TUBA3C: variants seen among roughly 807,000 people sequenced by gnomAD.
TUBA3C encodes the protein tubulin alpha-3C chain.
A neutral mutation model predicts 33.4 loss-of-function variants in TUBA3C; 23 were observed. That is an observed-to-expected ratio of 0.69 (90% CI 0.50 to 0.98). The LOEUF is 0.98. Among genes scored for constraint, TUBA3C ranks in the 50% least tolerant of loss-of-function variants. TUBA3C has a pLI of 0.00. For missense variants in TUBA3C, 402 were observed against 616.0 expected (o/e 0.65, Z 3.68); for synonymous variants, 269 against 250.4 (o/e 1.07, Z -0.70).
Position 19,177,163 on chromosome 13 carries a change from G to T in TUBA3C, c.820C>A (p.Pro274Thr). 2 of 1,614,110 alleles carry T rather than the reference G, an allele frequency of 1.2e-6. No individual in the cohort carries two copies. Among genetic ancestry groups the T allele is most frequent in the Non-Finnish European group, 1.7e-6 (2 of 1,180,028 alleles). ...TAGGCCTTCTCGGCTGAGATGACCG[G>T]GGCGTAGGTGGCCAGGGGGAAGTGG... ...RIHFPLATYAPVISAEKAYHE... is the reference protein window; with the variant it reads ...RIHFPLATYATVISAEKAYHE... The change falls in exon 4 of 5, where the codon CCG (proline) becomes ACG (threonine). Residue 274 changes from proline (P) to threonine (T), a missense_variant. Coordinates refer to ENST00000400113, the MANE Select transcript of TUBA3C (RefSeq NM_006001.3). This position sits in a 1 kb window ranked among gnomAD's most constrained non-coding sequence, Gnocchi z 5.0.
In TUBA3C at chr13:19,177,455, C is replaced by A. The variant is rs2138956097; in HGVS notation, c.528G>T (p.Gln176His). ...AGGGCTCCACCACGGCCGTGGAGAC[C>A]TGGGGGGCTGGGTAAATGGCAAATT... The part of the protein sequence containing the change: ...KLEFAIYPAP[Q>H]VSTAVVEPYN... Residue 176 changes from glutamine to histidine, a missense_variant, in exon 4 of 5, where the codon CAG becomes CAT. Transcript: ENST00000400113. The surrounding 1 kb of genome is among the most constrained non-coding windows in gnomAD (Gnocchi z 5.0). 1 of 1,614,120 alleles carries A rather than the reference C, an allele frequency of 6.2e-7. No individual in the cohort carries two copies. The highest frequency in any genetic ancestry group is 1.1e-5 in the South Asian group (1 of 91,072).
At chr13:19,179,249 G>A in intron 2 of TUBA3C, 92 bp downstream of exon 2, 1 of 1,550,864 alleles carries the variant, frequency 6.4e-7, no homozygotes, top group Non-Finnish European at 8.7e-7. Flanking sequence ...CATACCTTCT[G>A]CAGGAGGATT....
intron 4 of TUBA3C, 28 bp from the exon 5 acceptor site, chr13:19,174,187 A>C: frequency 1.3e-6 from 2 of 1,589,130 alleles, no homozygotes; most frequent in Non-Finnish European, 1.7e-6. Flanking sequence ...GAAACAGTCC[A>C]TGAAGCTTAT....
intron 2 of TUBA3C, 73 bp downstream of exon 2, chr13:19,179,268 C>A: frequency 2.5e-6 from 4 of 1,586,262 alleles, no homozygotes; most frequent in South Asian, 2.3e-5. Flanking sequence ...TTCAAAGGAG[C>A]CCACATGGGG....
chr13:19,177,098 G>A lies in TUBA3C; in HGVS notation c.885C>T (p.Cys295=), dbSNP rs150479874. 17 of 1,614,188 alleles carry A rather than the reference G, an allele frequency of 1.1e-5. No individual in the cohort carries two copies. The highest frequency in any genetic ancestry group is 1.4e-5 in the Non-Finnish European group (16 of 1,180,036). The change falls in exon 4 of 5, where the codon TGC becomes TGT. Residue 295 remains cysteine (C), a synonymous_variant. Transcript: ENST00000400113. The surrounding 1 kb of genome is among the most constrained non-coding windows in gnomAD (Gnocchi z 5.0). ...QLSVAEITNA[C]FEPANQMVKC... is the part of the protein sequence containing the mutation. The stretch of plus-strand genomic sequence containing the variant: ...TGACCATCTGATTGGCTGGCTCGAA[G>A]CAGGCATTGGTGATCTCAGCCACGG...
chr13:19,178,494 A>C, intron 2 of TUBA3C, 100 bp from the exon 3 acceptor site: 2 of 1,499,906 alleles, frequency 1.3e-6, no homozygotes, highest in Non-Finnish European at 1.8e-6. Context: ...CATGCTGTTC[A>C]AAGTACATGA....
Position 19,179,544 on chromosome 13 carries a change from T to A in TUBA3C, c.23A>T (p.His8Leu), listed in dbSNP as rs190995009. Residue 8 changes from histidine (H) to leucine (L), a missense_variant, in exon 2 of 5, where the codon CAC becomes CTC. His to Leu is a moderately conservative substitution (Grantham distance 99). Transcript: ENST00000400113. MRECISIHVGQAGVQIGN... is the reference protein window; with the variant it reads MRECISILVGQAGVQIGN... ...GATCTGGACTCCTGCCTGCCCCACG[T>A]GGATAGAGATACACTCACGCTGTGA... 7 of 1,614,214 alleles carry A rather than the reference T, an allele frequency of 4.3e-6. No individual in the cohort carries two copies. The African/African-American group carries it at 5.3e-5, about 12-fold the overall frequency.
At chr13:19,176,631 G>A (rs565117813) in intron 4 of TUBA3C, among the ~76,000 whole-genome samples, 2 of 142,562 alleles carry the variant, frequency 1.4e-5, no homozygotes, top group South Asian at 2.2e-4. Flanking sequence ...GTGGGTGCCT[G>A]TAATTCCAGC....
rs999079456 is a variant in TUBA3C, at chr13:19,176,910, A to G, written c.1056+17T>C. Reference sequence around the variant, plus strand: ...GCTTGCTGAAAGGTACAAGGACTCCACATTACCCAGTCATACCTTAAATCC... The same window carrying G: ...GCTTGCTGAAAGGTACAAGGACTCCGCATTACCCAGTCATACCTTAAATCC... On this transcript the variant is annotated intron_variant, in intron 4 of 4. Coordinates refer to ENST00000400113, the MANE Select transcript of TUBA3C (RefSeq NM_006001.3). The G allele has an allele frequency of 6.2e-7, 1 of 1,611,738 alleles. No individual in the cohort carries two copies. Among genetic ancestry groups the G allele is most frequent in the Non-Finnish European group, 8.5e-7 (1 of 1,178,348 alleles).
chr13:19,180,663 T>C (rs1025840564), intron 1 of TUBA3C, among the ~76,000 whole-genome samples: 5 of 151,924 alleles, frequency 3.3e-5, no homozygotes, highest in Non-Finnish European at 7.4e-5. Context: ...GCCCAACTAA[T>C]TTTTTGTATT....
rs528246624 is a variant in TUBA3C at position 19,180,628 on chromosome 13, C to T, written c.4-1065G>A. ...GCAATTCTCCTGCCTCAGTCTCCCA[C>T]GTAGCTGGGACTACAGGCCACTATG... On this transcript the variant is annotated intron_variant, in intron 1 of 4. Coordinates refer to ENST00000400113, the MANE Select transcript of TUBA3C (RefSeq NM_006001.3). 3.0e-3 allele frequency among the ~76,000 whole-genome samples: 457 copies of T among 152,112 alleles called. 8 individuals are homozygous for T. The highest frequency in any genetic ancestry group is 0.017 in the Middle Eastern group (5 of 292).
intron 4 of TUBA3C, among the ~76,000 whole-genome samples, chr13:19,174,397 G>A (rs1190956561): frequency 6.6e-6 from 1 of 151,316 alleles, no homozygotes; most frequent in Non-Finnish European, 1.5e-5. Context: ...GCCTCCCAAA[G>A]TGCTAGGATT....
chr13:19,178,115 G>A, intron 3 of TUBA3C, 131 bp downstream of exon 3: 2 of 1,420,828 alleles, frequency 1.4e-6, no homozygotes, highest in Non-Finnish European at 1.9e-6. Context: ...CAAAGTGTTG[G>A]GATTACAGGC....
Position 19,176,948 on chromosome 13 carries a change from A to G in TUBA3C, c.1035T>C (p.Asp345=). The G allele has an allele frequency of 6.2e-7, 1 of 1,613,824 alleles. No homozygotes were observed. Among genetic ancestry groups the G allele is most frequent in the Non-Finnish European group, 8.5e-7 (1 of 1,179,878 alleles). ...IKTKRTIQFV[D]WCPTGFKVGI... ...ATACCTTAAATCCAGTTGGGCACCA[A>G]TCTACAAACTGGATGGTGCGCTTGG... Residue 345 remains aspartate, a synonymous_variant, in exon 4 of 5, where the codon GAT becomes GAC. Coordinates refer to ENST00000400113, the MANE Select transcript of TUBA3C (RefSeq NM_006001.3).
chr13:19,179,295 C>T (rs756692774), intron 2 of TUBA3C, 46 bp downstream of exon 2: 1 of 1,610,260 alleles, frequency 6.2e-7, no homozygotes, highest in Non-Finnish European at 8.5e-7. Context: ...CGACGATGCT[C>T]TCCCACCCTC....
chr13:19,175,709 G>A (rs773955002), intron 4 of TUBA3C, among the ~76,000 whole-genome samples: 1 of 152,172 alleles, frequency 6.6e-6, no homozygotes, highest in Non-Finnish European at 1.5e-5. Flanking sequence ...GACAGAGGTC[G>A]TGTAACCTGT....
intron 2 of TUBA3C, 48 bp from the exon 3 acceptor site, chr13:19,178,442 C>G (rs1869282074): frequency 1.2e-6 from 2 of 1,604,808 alleles, no homozygotes; most frequent in East Asian, 2.2e-5. Flanking sequence ...CCTATACTCA[C>G]CAAGATGGAC....
At position 19,181,732 on chromosome 13, in the gene TUBA3C, G is replaced by A. The variant is rs373123701; in HGVS notation, c.3+13C>T. ...GCCTGGGCGTCTGCGGGGTGGGAGT[G>A]ACCTGGCCTTACCATGTTGAGCTCC... On this transcript the variant is annotated intron_variant, in intron 1 of 4. Coordinates refer to ENST00000400113, the MANE Select transcript of TUBA3C (RefSeq NM_006001.3). 10 of 1,602,016 alleles carry A rather than the reference G, an allele frequency of 6.2e-6. No homozygotes were observed. The highest frequency in any genetic ancestry group is 8.5e-6 in the Non-Finnish European group (10 of 1,179,926).
intron 1 of TUBA3C, among the ~76,000 whole-genome samples, chr13:19,180,116 G>A (rs748742479): frequency 1.6e-4 from 25 of 152,100 alleles, no homozygotes; most frequent in Admixed American, 1.4e-3. Context: ...CTCTGGCTTC[G>A]TGCTGGTTTG....
Sources: allele counts gnomAD v4.1 joint callset (sites outside exome capture counted in the v4.1 genomes callset), GRCh38; gene constraint gnomAD v4.1.1; non-coding constraint Gnocchi (gnomAD v3.1); transcripts MANE v1.5; gene names NCBI Gene and HGNC (gene_info 2026-07-23, HGNC 2026-07-21).